The following VAT1L variants were observed in gnomAD, a reference collection of about 807,000 sequenced individuals.
The protein encoded by VAT1L is vesicle amine transport 1 like.
In VAT1L, 34 loss-of-function variants were observed where a neutral mutation model predicts 44.1. The ratio of observed to expected loss-of-function variants is 0.77; its 90% CI spans 0.59 to 1.03. The LOEUF (loss-of-function observed/expected upper bound fraction) is 1.03. VAT1L is among the 50% of genes least tolerant of loss of function. The pLI is 0.00. For missense variants in VAT1L, 615 were observed against 538.8 expected (o/e 1.14, Z -1.40); for synonymous variants, 253 against 202.2 (o/e 1.25, Z -2.13).
intron 3 of VAT1L, among the ~76,000 whole-genome samples, chr16:77,846,156 G>T (rs939491101): frequency 6.6e-6 from 1 of 152,158 alleles, no homozygotes; most frequent in African/African-American, 2.4e-5. Context: ...TTACACAGGG[G>T]GAGGATACAT....
chr16:77,926,425 A>C (rs2017669760), intron 7 of VAT1L, among the ~76,000 whole-genome samples: 1 of 151,186 alleles, frequency 6.6e-6, no homozygotes, highest in African/African-American at 2.4e-5. Context: ...CTTTACTAAA[A>C]ATACAAAAGT....
At chr16:77,826,852 C>T (rs903966368) in intron 3 of VAT1L, among the ~76,000 whole-genome samples, 8 of 152,286 alleles carry the variant, frequency 5.3e-5, no homozygotes, top group Admixed American at 3.9e-4. Flanking sequence ...GTCACTGATT[C>T]TGTAGTTTGA....
chr16:77,949,848 C>T (rs541010737), intron 7 of VAT1L, among the ~76,000 whole-genome samples: 8 of 152,312 alleles, frequency 5.3e-5, no homozygotes, highest in Middle Eastern at 3.4e-3. Flanking sequence ...GTGAGGCTGC[C>T]GATTATGACA....
chr16:77,825,323 C>T lies in VAT1L; in HGVS notation c.441C>T (p.Tyr147=). Residue 147 remains tyrosine, a synonymous_variant, in exon 3 of 9, where the codon TAC becomes TAT. Coordinates refer to ENST00000302536, the MANE Select transcript of VAT1L (RefSeq NM_020927.3). Reference sequence around the variant, plus strand: ...TCTGCACACCAGTGGAGTTTGTCTACAAGATCCCGGATGACATGAGCTTCT... The same window carrying T: ...TCTGCACACCAGTGGAGTTTGTCTATAAGATCCCGGATGACATGAGCTTCT... ...EVVCTPVEFV[Y]KIPDDMSFSE... is the part of the protein sequence containing the mutation. The T allele has an allele frequency of 6.2e-7, 1 of 1,614,208 alleles. No individual in the cohort carries two copies. Among genetic ancestry groups the T allele is most frequent in the Non-Finnish European group, 8.5e-7 (1 of 1,180,054 alleles).
chr16:77,886,805 G>A (rs1350426171), intron 7 of VAT1L, among the ~76,000 whole-genome samples: 1 of 152,122 alleles, frequency 6.6e-6, no homozygotes, highest in Non-Finnish European at 1.5e-5. Context: ...TTTCCACAGA[G>A]CAATGTTGCT....
rs2017284170 is a variant in VAT1L at position 77,892,977 on chromosome 16, C to G, written c.1077+8175C>G. 5.9e-6 allele frequency: 4 copies of G among 681,434 alleles called. No homozygotes were observed. In the East Asian group the frequency reaches 1.0e-4, roughly 18 times the overall value. The allele number at this position is 681,434 out of a possible 1,614,324, so 42.2% of individuals were successfully genotyped here. ...ATTCTATCTGTAGCTCAGGAGGGTA[C>G]CCTCCATCCCATTTGCTCGCAGTAT... On this transcript the variant is annotated intron_variant, in intron 7 of 8. Transcript: ENST00000302536.
intron 7 of VAT1L, among the ~76,000 whole-genome samples, chr16:77,925,666 T>C (rs1474982897): frequency 6.6e-6 from 1 of 152,170 alleles, no homozygotes; most frequent in African/African-American, 2.4e-5. Flanking sequence ...CTAAAATCAA[T>C]TTTGCTTTTC....
chr16:77,802,106 TCCCA>T (rs2016067559), intron 1 of VAT1L, among the ~76,000 whole-genome samples: 2 of 152,050 alleles, frequency 1.3e-5, no homozygotes, highest in Non-Finnish European at 2.9e-5. Context: ...ATTTTCACCC[TCCCA>T]CCGCTTTGAG....
At chr16:77,942,368 T>C (rs985437225) in intron 7 of VAT1L, among the ~76,000 whole-genome samples, 2 of 152,080 alleles carry the variant, frequency 1.3e-5, no homozygotes, top group African/African-American at 2.4e-5. Flanking sequence ...GATATGGAAA[T>C]TGTGGGAACT....
chr16:77,862,819 G>A lies in VAT1L; in HGVS notation c.651G>A (p.Lys217=), dbSNP rs747950758. The part of the protein sequence containing the change: ...VTVFGTASTF[K]HEAIKDSVTH... The stretch of plus-strand genomic sequence containing the variant: ...TCTTTGGAACAGCCTCTACTTTCAA[G>A]CATGAAGCAATCAAAGACTCTGTGA... The change falls in exon 4 of 9, where the codon AAG becomes AAA. Residue 217 remains lysine, a synonymous_variant. Coordinates refer to ENST00000302536, the MANE Select transcript of VAT1L (RefSeq NM_020927.3). The A allele has an allele frequency of 3.7e-6, 6 of 1,613,994 alleles. No homozygotes were observed. The highest frequency in any genetic ancestry group is 5.1e-6 in the Non-Finnish European group (6 of 1,179,990).
intron 3 of VAT1L, among the ~76,000 whole-genome samples, chr16:77,840,336 C>T (rs1277244041): frequency 2.0e-5 from 3 of 152,164 alleles, no homozygotes; most frequent in African/African-American, 7.2e-5. Flanking sequence ...ATTTCGAAAT[C>T]TTTCAAAACC....
intron 7 of VAT1L, among the ~76,000 whole-genome samples, chr16:77,932,474 T>C (rs2142503533): frequency 6.6e-6 from 1 of 152,308 alleles, no homozygotes; most frequent in South Asian, 2.1e-4. Context: ...CAGGACTTCT[T>C]GTTGACAGAG....
intron 2 of VAT1L, among the ~76,000 whole-genome samples, chr16:77,821,926 C>A (rs1035829253): frequency 6.6e-6 from 1 of 152,210 alleles, no homozygotes; most frequent in African/African-American, 2.4e-5. Context: ...AAGACAGCAC[C>A]AAGTGCAGAA....
At chr16:77,946,306 CAG>C (rs1247973048) in intron 7 of VAT1L, among the ~76,000 whole-genome samples, 2 of 3,976 alleles carry the variant, frequency 5.0e-4, no homozygotes, top group East Asian at 0.02. Flanking sequence ...TTTTTTGAGA[CAG>C]AGTCTCACTC....
chr16:77,935,835 T>C (rs555811808), intron 7 of VAT1L, among the ~76,000 whole-genome samples: 1 of 152,348 alleles, frequency 6.6e-6, no homozygotes, highest in South Asian at 2.1e-4. Flanking sequence ...TCAGTTTTTT[T>C]CATTCATTAA....
chr16:77,954,907 A>G (rs1159887269), intron 7 of VAT1L, among the ~76,000 whole-genome samples: 3 of 152,202 alleles, frequency 2.0e-5, no homozygotes, highest in African/African-American at 7.2e-5. Context: ...GCGATTTTTT[A>G]CTTTTTTTAA....
intron 7 of VAT1L, among the ~76,000 whole-genome samples, chr16:77,931,147 T>G (rs2017727011): frequency 6.6e-6 from 1 of 152,168 alleles, no homozygotes; most frequent in Non-Finnish European, 1.5e-5. Context: ...TTAGATTGCC[T>G]CCTCGATAGA....
intron 7 of VAT1L, among the ~76,000 whole-genome samples, chr16:77,912,954 A>C (rs570479374): frequency 6.6e-6 from 1 of 152,066 alleles, no homozygotes; most frequent in Non-Finnish European, 1.5e-5. Flanking sequence ...CCCATCTCGA[A>C]GGCTTCATCC....
intron 1 of VAT1L, among the ~76,000 whole-genome samples, chr16:77,808,621 G>A (rs930041283): frequency 2.6e-5 from 4 of 151,956 alleles, no homozygotes; most frequent in African/African-American, 9.7e-5. Context: ...TTGAATCAGA[G>A]TTTCATTCTT....
Sources: allele counts gnomAD v4.1 joint callset (sites outside exome capture counted in the v4.1 genomes callset), GRCh38; gene constraint gnomAD v4.1.1; transcripts MANE v1.5; gene names NCBI Gene and HGNC (gene_info 2026-07-23, HGNC 2026-07-21).